NEDD4L: variants seen among roughly 807,000 people sequenced by gnomAD.
NEDD4L encodes NEDD4 like E3 ubiquitin protein ligase.
In NEDD4L, 54 loss-of-function variants were observed where a neutral mutation model predicts 148.9. The ratio of observed to expected loss-of-function variants is 0.36; its 90% CI spans 0.29 to 0.45. NEDD4L has a LOEUF of 0.45. NEDD4L is among the 20% of genes least tolerant of loss of function. The pLI is 1.00. For synonymous variants in NEDD4L, 433 were observed against 440.7 expected (o/e 0.98, Z 0.22); for missense variants, 856 against 1,233.8 (o/e 0.69, Z 4.59).
Position 58,342,903 on chromosome 18 carries a change from T to C in NEDD4L, c.1378-3T>C, listed in dbSNP as rs1002322308. On this transcript the variant is annotated splice_polypyrimidine_tract_variant and splice_region_variant and intron_variant, in intron 15 of 30. Transcript: ENST00000400345. ...AGTTCTAATCCTCATTGTTATTCTTTAGGGTGCCAAGGACTCACCCGTACG... is the reference window on the plus strand; with the variant it reads ...AGTTCTAATCCTCATTGTTATTCTTCAGGGTGCCAAGGACTCACCCGTACG... 8 of 1,597,770 alleles carry C rather than the reference T, an allele frequency of 5.0e-6. No individual in the cohort carries two copies. Among genetic ancestry groups the C allele is most frequent in the Non-Finnish European group, 6.0e-6 (7 of 1,171,698 alleles).
intron 1 of NEDD4L, among the ~76,000 whole-genome samples, chr18:58,066,285 TTAAA>T (rs1158051496): frequency 6.6e-6 from 1 of 151,950 alleles, no homozygotes; most frequent in African/African-American, 2.4e-5. Flanking sequence ...CACAAGGAAA[TTAAA>T]TAACTGGCTG....
At position 58,267,479 on chromosome 18, in the gene NEDD4L, G is replaced by A. The variant is rs1251539619; in HGVS notation, c.297+15425G>A. Among the ~76,000 whole-genome samples the A allele has an allele frequency of 2.0e-5, 3 of 152,016 alleles. No individual in the cohort carries two copies. In the East Asian group the frequency reaches 5.8e-4, roughly 29 times the overall value. The stretch of plus-strand genomic sequence containing the variant: ...TGGAGGGCAAGGCGGGAGCTGAGAG[G>A]CCTTTGCAGAAGTGCATGTCGCCTT... On this transcript the variant is annotated intron_variant, in intron 5 of 30. Transcript: ENST00000400345.
At chr18:58,191,524 G>T (rs1164919753) in intron 2 of NEDD4L, among the ~76,000 whole-genome samples, 2 of 152,168 alleles carry the variant, frequency 1.3e-5, no homozygotes, top group Admixed American at 6.5e-5. Flanking sequence ...TGATCTGAAG[G>T]TTAGCTCTGC....
intron 24 of NEDD4L, among the ~76,000 whole-genome samples, chr18:58,380,243 A>ATT (rs893369027): frequency 7.6e-5 from 11 of 145,296 alleles, no homozygotes; most frequent in African/African-American, 2.8e-4. Flanking sequence ...CACAAAACAG[A>ATT]TTTTTTTTTT....
At chr18:58,063,177 C>G (rs535283713) in intron 1 of NEDD4L, among the ~76,000 whole-genome samples, 1 of 151,130 alleles carries the variant, frequency 6.6e-6, no homozygotes, top group African/African-American at 2.4e-5. Context: ...TCCCAAGCAG[C>G]TGGGACTACA....
intron 2 of NEDD4L, among the ~76,000 whole-genome samples, chr18:58,241,776 G>A (rs1232957993): frequency 6.6e-6 from 1 of 151,996 alleles, no homozygotes; most frequent in Non-Finnish European, 1.5e-5. Flanking sequence ...TAGGCACTCA[G>A]GAAATAGAAG....
At chr18:58,180,924 G>C (rs547959642) in intron 2 of NEDD4L, among the ~76,000 whole-genome samples, 1 of 152,258 alleles carries the variant, frequency 6.6e-6, no homozygotes, top group African/African-American at 2.4e-5. Flanking sequence ...TGTATTGGGG[G>C]GGTTACAGCA....
chr18:58,075,824 G>A (rs1252542116), intron 1 of NEDD4L, among the ~76,000 whole-genome samples: 2 of 152,006 alleles, frequency 1.3e-5, no homozygotes, highest in East Asian at 1.9e-4. Flanking sequence ...CCAGCTACTC[G>A]GGAGTGAGGC....
intron 5 of NEDD4L, among the ~76,000 whole-genome samples, chr18:58,282,541 G>A (rs2053295215): frequency 6.6e-6 from 1 of 152,234 alleles, no homozygotes. Context: ...TCCACTGAAT[G>A]GTTGGGTAAA....
At chr18:58,371,572 T>C (rs7235668) in intron 23 of NEDD4L, 68,766 of 152,202 alleles carry the variant, frequency 0.45, 15,750 homozygotes, top group South Asian at 0.55. Flanking sequence ...CCCTGCATGA[T>C]GTCACCTGCC....
chr18:58,068,354 C>T (rs2082712821), intron 1 of NEDD4L, among the ~76,000 whole-genome samples: 1 of 152,100 alleles, frequency 6.6e-6, no homozygotes, highest in Non-Finnish European at 1.5e-5. Context: ...CGCCTGCCAC[C>T]ACGCCTGACT....
At position 58,347,205 on chromosome 18, in the gene NEDD4L, G is replaced by GCCCCCCCCCCCCCCCCCCCCCCCCC. The variant is rs138430099; in HGVS notation, c.1576-2324_1576-2323insCCCCCCCCCCCCCCCCCCCCCCCCC. The stretch of plus-strand genomic sequence containing the variant: ...AATTTCAGCTTCTTTTCACGCTACG[G>GCCCCCCCCCCCCCCCCCCCCCCCCC]CCCCCCCCGCCCCCCCCCCCCCTTT... On this transcript the variant is annotated intron_variant, in intron 16 of 30. Transcript: ENST00000400345. Among the ~76,000 whole-genome samples, 3 of 39,586 alleles carry GCCCCCCCCCCCCCCCCCCCCCCCCC rather than the reference G, an allele frequency of 7.6e-5. 1 individual carries two copies. The highest frequency in any genetic ancestry group is 4.6e-5 in the Non-Finnish European group (1 of 21,952). The allele number at this position is 39,586 out of a possible 152,430, so 26.0% of individuals were successfully genotyped here. A position where few individuals can be genotyped will look rare whatever the true frequency, so the allele number is the denominator to read the frequency against.
intron 9 of NEDD4L, 128 bp downstream of exon 9, chr18:58,325,290 C>T (rs186924907): frequency 3.2e-5 from 34 of 1,061,568 alleles, no homozygotes; most frequent in East Asian, 7.3e-5. Flanking sequence ...TGGTGTGGTA[C>T]GAGATTCCTC....
chr18:58,306,895 A>G (rs1315139278), intron 5 of NEDD4L, among the ~76,000 whole-genome samples: 1 of 152,134 alleles, frequency 6.6e-6, no homozygotes, highest in African/African-American at 2.4e-5. Flanking sequence ...CAGCTTCCCA[A>G]AGTGCTGGGA....
intron 4 of NEDD4L, among the ~76,000 whole-genome samples, chr18:58,250,567 C>G (rs1001395367): frequency 6.6e-6 from 1 of 152,194 alleles, no homozygotes; most frequent in African/African-American, 2.4e-5. Flanking sequence ...CAAACCCCAT[C>G]TGCTTGTTCT....
intron 2 of NEDD4L, among the ~76,000 whole-genome samples, chr18:58,225,476 T>C (rs2044253515): frequency 6.6e-6 from 1 of 152,252 alleles, no homozygotes; most frequent in East Asian, 1.9e-4. Context: ...AATTTCCTTT[T>C]TGTTATGCTT....
At chr18:58,086,119 A>C (rs1021518214) in intron 1 of NEDD4L, among the ~76,000 whole-genome samples, 1 of 152,198 alleles carries the variant, frequency 6.6e-6, no homozygotes. Context: ...TTAATCCTTT[A>C]AAACATTTGA....
chr18:58,158,495 C>A (rs1193836804), intron 1 of NEDD4L, among the ~76,000 whole-genome samples: 4 of 152,226 alleles, frequency 2.6e-5, no homozygotes, highest in Non-Finnish European at 5.9e-5. Flanking sequence ...GGGTTCTGCT[C>A]TAGAAGTCTA....
intron 5 of NEDD4L, among the ~76,000 whole-genome samples, chr18:58,296,586 C>G (rs1410237145): frequency 1.3e-5 from 2 of 152,202 alleles, no homozygotes; most frequent in East Asian, 3.9e-4. Flanking sequence ...GGCTGCCTTG[C>G]CTCCTCTGCT....
Sources: allele counts gnomAD v4.1 joint callset (sites outside exome capture counted in the v4.1 genomes callset), GRCh38; gene constraint gnomAD v4.1.1; transcripts MANE v1.5; gene names NCBI Gene and HGNC (gene_info 2026-07-23, HGNC 2026-07-21).